SELENOK: variants seen among roughly 807,000 people sequenced by gnomAD.
SELENOK encodes the protein selenoprotein K.
A neutral mutation model predicts 17.3 loss-of-function variants in SELENOK; 11 were observed. That is an observed-to-expected ratio of 0.63 (90% CI 0.40 to 1.05). The LOEUF is 1.05. Among genes scored for constraint, SELENOK ranks in the 50% least tolerant of loss-of-function variants. SELENOK has a pLI of 0.00. For missense variants in SELENOK, 125 were observed against 113.9 expected, an observed-to-expected ratio of 1.10 and a Z score of -0.44; for synonymous variants, 45 against 35.4, an observed-to-expected ratio of 1.27 and a Z score of -0.97.
chr3:53,888,990 G>A (rs1017396274), intron 1 of SELENOK, among the ~76,000 whole-genome samples: 1 of 152,030 alleles, frequency 6.6e-6, no homozygotes, highest in Non-Finnish European at 1.5e-5. Context: ...CCAGGAAGCA[G>A]AGGTTGCAGT....
Position 53,885,573 on chromosome 3 carries a change from T to A in SELENOK, c.282-12A>T. 6.2e-7 allele frequency: 1 copy of A among 1,609,820 alleles called. No individual in the cohort carries two copies. Among genetic ancestry groups the A allele is most frequent in the Non-Finnish European group, 8.5e-7 (1 of 1,177,236 alleles). ...GAGCAGACATTTACCTGAAAGAAAA[T>A]GTTACAATAATTAGTTACTGGTTAT... On this transcript the variant is annotated splice_polypyrimidine_tract_variant and intron_variant, in intron 4 of 4. Transcript: ENST00000495461.
At chr3:53,890,302 C>T (rs1700158581) in intron 1 of SELENOK, among the ~76,000 whole-genome samples, 1 of 152,156 alleles carries the variant, frequency 6.6e-6, no homozygotes, top group Non-Finnish European at 1.5e-5. Context: ...AAAAAGTCAT[C>T]TGACAGCAAG....
intron 1 of SELENOK, 64 bp from the exon 2 acceptor site, chr3:53,888,547 A>T: frequency 2.8e-6 from 3 of 1,078,572 alleles, no homozygotes; most frequent in Non-Finnish European, 4.2e-6. Flanking sequence ...GAGGCATCAC[A>T]TTTAATTATT....
chr3:53,889,284 C>T (rs1424052467), intron 1 of SELENOK, among the ~76,000 whole-genome samples: 1 of 152,150 alleles, frequency 6.6e-6, no homozygotes, highest in Non-Finnish European at 1.5e-5. Context: ...CCTTCTCCGC[C>T]CAGCCCCTGG....
Position 53,885,840 on chromosome 3 carries a change from A to T in SELENOK, c.267T>A (p.Ala89=). The change falls in exon 4 of 5, where the codon GCT becomes GCA. Residue 89 remains alanine, a synonymous_variant. Transcript: ENST00000495461. ...TCTGAAGTTACCTTCCTCATCCACC[A>T]GCCATTGGAGGGGGACTAGGGCCAC... ...HLRGPSPPPM[A]GGUGR The T allele has an allele frequency of 6.3e-7, 1 of 1,590,558 alleles. No individual in the cohort carries two copies. Among genetic ancestry groups the T allele is most frequent in the African/African-American group, 1.3e-5 (1 of 74,582 alleles).
chr3:53,886,895 T>G lies in SELENOK; in HGVS notation c.150A>C (p.Arg50Ser), dbSNP rs11562. ...TLLQQDVKKR[R>S]SYGNSSDSRY... ...TGGAATCAGATGAGTTTCCATAGCTTCTTCTTTTTTTCACATCTTGCTGAA... is the reference window on the plus strand; with the variant it reads ...TGGAATCAGATGAGTTTCCATAGCTGCTTCTTTTTTTCACATCTTGCTGAA... The change falls in exon 3 of 5, where the codon AGA becomes AGC. Residue 50 changes from arginine to serine, a missense_variant. By Grantham distance (110) the Arg-to-Ser change is moderately radical. Transcript: ENST00000495461. 3,471 of 1,572,618 alleles carry G rather than the reference T, an allele frequency of 2.2e-3. 39 individuals are homozygous for G. The highest frequency in any genetic ancestry group is 0.021 in the Admixed American group (1,159 of 54,472).
At chr3:53,891,624 C>T (rs1483071671) in intron 1 of SELENOK, 146 bp downstream of exon 1, 7 of 1,007,314 alleles carry the variant, frequency 6.9e-6, no homozygotes, top group Non-Finnish European at 1.0e-5. Context: ...CAAGCCGAGG[C>T]GACTTCGGTC....
At chr3:53,888,290 T>G in intron 2 of SELENOK, 103 bp downstream of exon 2, 1 of 748,728 alleles carries the variant, frequency 1.3e-6, no homozygotes, top group African/African-American at 1.8e-5. Flanking sequence ...AATAGAAAAC[T>G]GTTTCAGGAA....
chr3:53,888,669 T>C (rs1360488760), intron 1 of SELENOK, among the ~76,000 whole-genome samples, 186 bp from the exon 2 acceptor site: 1 of 152,360 alleles, frequency 6.6e-6, no homozygotes, highest in African/African-American at 2.4e-5. Context: ...TGTTCCATTA[T>C]CTAGGGACAT....
intron 4 of SELENOK, 118 bp downstream of exon 4, chr3:53,885,708 A>G (rs1191475243): frequency 5.1e-6 from 6 of 1,183,348 alleles, no homozygotes; most frequent in Middle Eastern, 1.9e-4. Context: ...GATAACAAAT[A>G]TATTTCCAAA....
chr3:53,887,622 AC>A (rs1323801395), intron 2 of SELENOK, among the ~76,000 whole-genome samples: 1 of 152,164 alleles, frequency 6.6e-6, no homozygotes, highest in Non-Finnish European at 1.5e-5. Context: ...ACAGCCTGAT[AC>A]TCAAACTTCT....
chr3:53,885,434 A>C lies in SELENOK; in HGVS notation c.*124T>G, dbSNP rs544197552. 5 of 916,118 alleles carry C rather than the reference A, an allele frequency of 5.5e-6. No homozygotes were observed. Among genetic ancestry groups the C allele is most frequent in the African/African-American group, 1.7e-5 (1 of 59,984 alleles). The allele number at this position is 916,118 out of a possible 1,614,324, so 56.7% of individuals were successfully genotyped here. On this transcript the variant is annotated 3_prime_UTR_variant, in exon 5 of 5. Coordinates refer to ENST00000495461, the MANE Select transcript of SELENOK (RefSeq NM_021237.5). ...TGACCTCATTCATCTGTGAGGACAC[A>C]GAGCAGTCCTTGTTTAGACATACAC...
At chr3:53,885,625 A>G in intron 4 of SELENOK, 64 bp from the exon 5 acceptor site, 2 of 1,476,950 alleles carry the variant, frequency 1.4e-6, no homozygotes, top group Non-Finnish European at 1.9e-6. Flanking sequence ...GAAAACCTCA[A>G]CATATTACAT....
In SELENOK at chr3:53,884,949, CTATT is replaced by C. The variant is rs1700113655; in HGVS notation, c.*605_*608del. 1 of 152,216 alleles carries C rather than the reference CTATT, an allele frequency of 6.6e-6. No homozygotes were observed. The highest frequency in any genetic ancestry group is 1.5e-5 in the Non-Finnish European group (1 of 68,036). 9.4% of individuals were successfully genotyped at this position (152,216 alleles called of 1,614,324 possible). A position where few individuals can be genotyped will look rare whatever the true frequency, so the allele number is the denominator to read the frequency against. ...AGGCTGAAGTCCATGATTTTAAAAA[CTATT>C]TAGTAAATTTTCATTTTGTAGCTCA... is the stretch of plus-strand genomic sequence containing the variant. On this transcript the variant is annotated 3_prime_UTR_variant, in exon 5 of 5. Transcript: ENST00000495461.
chr3:53,885,819 A>C lies in SELENOK; in HGVS notation c.281+7T>G. On this transcript the variant is annotated splice_region_variant and intron_variant, in intron 4 of 4. Transcript: ENST00000495461. The stretch of plus-strand genomic sequence containing the variant: ...ATCCTACAAAAGAATTTCAGATCTG[A>C]AGTTACCTTCCTCATCCACCAGCCA... 1 of 1,574,926 alleles carries C rather than the reference A, an allele frequency of 6.3e-7. No homozygotes were observed. The highest frequency in any genetic ancestry group is 8.6e-7 in the Non-Finnish European group (1 of 1,157,172).
In SELENOK at chr3:53,891,740, G is replaced by A. The variant is rs1429313162; in HGVS notation, c.19+30C>T. 4.3e-6 allele frequency: 7 copies of A among 1,613,522 alleles called. No individual in the cohort carries two copies. The African/African-American group carries it at 9.3e-5, about 22-fold the overall frequency. On this transcript the variant is annotated intron_variant, in intron 1 of 4. Coordinates refer to ENST00000495461, the MANE Select transcript of SELENOK (RefSeq NM_021237.5). The stretch of plus-strand genomic sequence containing the variant: ...CTGGAGTCCGATCTTACAAGTCACC[G>A]GTCGAAGCCACAGCCCGCTCTCAAC...
At chr3:53,891,128 C>G (rs1004514614) in intron 1 of SELENOK, 2 of 152,220 alleles carry the variant, frequency 1.3e-5, no homozygotes, top group Admixed American at 6.5e-5. Flanking sequence ...GTTTGACTAG[C>G]TACCCTTTCC....
rs1175791571 is a variant in SELENOK, at chr3:53,885,304, T to G, written c.*254A>C. On this transcript the variant is annotated 3_prime_UTR_variant, in exon 5 of 5. Coordinates refer to ENST00000495461, the MANE Select transcript of SELENOK (RefSeq NM_021237.5). ...TAAAAATATTTACTTATTAAAACTA[T>G]ATTAATACTTTAATAAACTATACAA... The G allele has an allele frequency of 2.5e-5, 9 of 360,392 alleles. No individual in the cohort carries two copies. Among genetic ancestry groups the G allele is most frequent in the Non-Finnish European group, 3.9e-5 (8 of 202,882 alleles). 22.3% of individuals were successfully genotyped at this position (360,392 alleles called of 1,614,324 possible).
At position 53,886,940 on chromosome 3, in the gene SELENOK, A is replaced by G; in HGVS notation, c.111-6T>C. 4.5e-6 allele frequency: 7 copies of G among 1,547,786 alleles called. No homozygotes were observed. The highest frequency in any genetic ancestry group is 6.1e-6 in the Non-Finnish European group (7 of 1,145,266). On this transcript the variant is annotated splice_region_variant and splice_polypyrimidine_tract_variant and intron_variant, in intron 2 of 4. Transcript: ENST00000495461. The stretch of plus-strand genomic sequence containing the variant: ...GCTGAAGCAGAGTTTTGAAACTGAA[A>G]CAAGGGGCAGAAAACAACAAAGGTA...
Sources: gnomAD v4.1 joint callset for allele counts (sites outside exome capture counted in the v4.1 genomes callset) on GRCh38, gnomAD v4.1.1 for gene constraint, MANE v1.5 for transcripts, NCBI Gene and HGNC (gene_info 2026-07-23, HGNC 2026-07-21) for gene names.